The following ZCWPW2 variants were observed in gnomAD, a reference collection of about 807,000 sequenced individuals.
ZCWPW2 encodes the protein zinc finger CW-type and PWWP domain containing 2.
Under a neutral mutation model 46.6 loss-of-function variants are expected in ZCWPW2, and 45 were observed. That is an observed-to-expected ratio of 0.96 (90% CI 0.76 to 1.24). ZCWPW2 has a LOEUF of 1.24. Ranked by LOEUF, ZCWPW2 falls within the 50% of genes most tolerant of loss-of-function variation. ZCWPW2 has a pLI of 0.00. For missense variants in ZCWPW2, 429 were observed against 403.9 expected (o/e 1.06, Z -0.53); for synonymous variants, 152 against 137.1 (o/e 1.11, Z -0.76).
In ZCWPW2 at chr3:28,435,221, A is replaced by C; in HGVS notation, c.444A>C (p.Arg148Ser). The C allele has an allele frequency of 6.2e-7, 1 of 1,613,404 alleles. No individual in the cohort carries two copies. Among genetic ancestry groups the C allele is most frequent in the Non-Finnish European group, 8.5e-7 (1 of 1,179,906 alleles). ...AATTCCTGGGCGATCCCCATTCAAG[A>C]TCATGGATAAAGGCAACATTCGTTG... ...HIEFLGDPHS[R>S]SWIKATFVGH... Residue 148 changes from arginine to serine, a missense_variant, in exon 4 of 10, where the codon AGA (arginine) becomes AGC (serine). Transcript: ENST00000383768.
At chr3:28,411,026 T>G (rs760794931) in intron 2 of ZCWPW2, among the ~76,000 whole-genome samples, 5 of 151,912 alleles carry the variant, frequency 3.3e-5, no homozygotes, top group Non-Finnish European at 7.4e-5. Context: ...TTTACTTTAT[T>G]TAATGAAGTG....
At chr3:28,394,369 A>T (rs1204904852) in intron 2 of ZCWPW2, among the ~76,000 whole-genome samples, 1 of 152,146 alleles carries the variant, frequency 6.6e-6, no homozygotes, top group Non-Finnish European at 1.5e-5. Flanking sequence ...GATTCAATGC[A>T]ATTTCTATCA....
In ZCWPW2 at chr3:28,350,759, C is replaced by G. The variant is rs1399983927; in HGVS notation, c.-134+1556C>G. On this transcript the variant is annotated intron_variant, in intron 1 of 9. Coordinates refer to ENST00000383768, the MANE Select transcript of ZCWPW2 (RefSeq NM_001040432.4). ...TAATCATGTATTAAAGGTTTATTAT[C>G]AGGGAAAGACCTCTGATAAGTTAAT... is the stretch of plus-strand genomic sequence containing the variant. Among the ~76,000 whole-genome samples, 2 of 151,800 alleles carry G rather than the reference C, an allele frequency of 1.3e-5. 1 individual carries two copies. The highest frequency in any genetic ancestry group is 4.9e-5 in the African/African-American group (2 of 41,160).
chr3:28,434,642 G>C (rs1010711885), intron 3 of ZCWPW2, among the ~76,000 whole-genome samples: 7 of 152,162 alleles, frequency 4.6e-5, no homozygotes, highest in African/African-American at 1.4e-4. Context: ...CAAAGCCTGA[G>C]CTATCAGGAT....
chr3:28,426,006 G>A (rs1559499527), intron 3 of ZCWPW2, among the ~76,000 whole-genome samples: 1 of 152,108 alleles, frequency 6.6e-6, no homozygotes, highest in South Asian at 2.1e-4. Context: ...CAACTCTGGA[G>A]GCTGAGGCAG....
intron 6 of ZCWPW2, among the ~76,000 whole-genome samples, chr3:28,505,948 A>G (rs1700263478): frequency 6.6e-6 from 1 of 151,630 alleles, no homozygotes; most frequent in Non-Finnish European, 1.5e-5. Flanking sequence ...GGAAATGGGC[A>G]ATGTCAAGTC....
chr3:28,388,755 T>A (rs1353313600), intron 1 of ZCWPW2, among the ~76,000 whole-genome samples: 1 of 152,182 alleles, frequency 6.6e-6, no homozygotes, highest in Admixed American at 6.5e-5. Flanking sequence ...CTATTTTGTA[T>A]TTTCTTTGCA....
At chr3:28,519,055 C>T (rs186783279) in intron 8 of ZCWPW2, among the ~76,000 whole-genome samples, 5 of 152,252 alleles carry the variant, frequency 3.3e-5, no homozygotes, top group African/African-American at 1.2e-4. Flanking sequence ...TTTTGAATGC[C>T]ACTGTTTTAG....
chr3:28,467,462 C>G (rs1698869895), intron 4 of ZCWPW2, among the ~76,000 whole-genome samples: 1 of 149,804 alleles, frequency 6.7e-6, no homozygotes. Context: ...CAATCACAAC[C>G]TACTGATTGT....
intron 3 of ZCWPW2, among the ~76,000 whole-genome samples, chr3:28,424,507 C>T (rs1052185072): frequency 2.6e-5 from 4 of 152,062 alleles, no homozygotes; most frequent in Non-Finnish European, 4.4e-5. Context: ...AGAACACAGA[C>T]GTGCACAGAA....
chr3:28,387,104 A>G (rs964112321), intron 1 of ZCWPW2, among the ~76,000 whole-genome samples: 4 of 152,226 alleles, frequency 2.6e-5, no homozygotes, highest in Non-Finnish European at 4.4e-5. Flanking sequence ...TTCTTGGCCA[A>G]AGAGAGATTA....
At chr3:28,417,208 A>G (rs2125744591) in intron 3 of ZCWPW2, among the ~76,000 whole-genome samples, 1 of 152,224 alleles carries the variant, frequency 6.6e-6, no homozygotes, top group African/African-American at 2.4e-5. Flanking sequence ...ACAGAAATAC[A>G]AACTACCATC....
intron 1 of ZCWPW2, among the ~76,000 whole-genome samples, chr3:28,349,480 G>A (rs1163087450): frequency 2.0e-5 from 3 of 152,148 alleles, no homozygotes; most frequent in African/African-American, 7.2e-5. Context: ...TTGCGTAGGG[G>A]TCTGTAATTA....
chr3:28,459,142 G>A (rs1334784712), intron 4 of ZCWPW2, among the ~76,000 whole-genome samples: 5 of 152,068 alleles, frequency 3.3e-5, no homozygotes, highest in African/African-American at 9.7e-5. Context: ...AGGCCATGGC[G>A]GGTGGATCAT....
chr3:28,409,874 A>T (rs1696330121), intron 2 of ZCWPW2, among the ~76,000 whole-genome samples: 1 of 152,146 alleles, frequency 6.6e-6, no homozygotes, highest in Admixed American at 6.5e-5. Flanking sequence ...AAATGAACTA[A>T]AATCACTGGT....
intron 1 of ZCWPW2, among the ~76,000 whole-genome samples, chr3:28,356,266 G>GAGAAAT (rs1401496198): frequency 1.3e-5 from 2 of 152,320 alleles, no homozygotes; most frequent in East Asian, 3.9e-4. Context: ...CATCATCACT[G>GAGAAAT]GCCATCAGAG....
intron 2 of ZCWPW2, 100 bp from the exon 3 acceptor site, chr3:28,412,956 G>C: frequency 1.1e-6 from 1 of 888,418 alleles, no homozygotes; most frequent in Non-Finnish European, 1.7e-6. Context: ...GGTGGGCATA[G>C]AAGATATCAA....
intron 3 of ZCWPW2, among the ~76,000 whole-genome samples, chr3:28,416,957 G>C: frequency 6.7e-6 from 1 of 148,942 alleles, no homozygotes. Context: ...TGTTCATCAA[G>C]GATATTGGTC....
chr3:28,480,026 A>G (rs1699375511), intron 5 of ZCWPW2, among the ~76,000 whole-genome samples: 1 of 152,188 alleles, frequency 6.6e-6, no homozygotes, highest in Admixed American at 6.5e-5. Context: ...ATAGTGTTGA[A>G]CATATGTGTG....
Sources: gnomAD v4.1 joint callset for allele counts (sites outside exome capture counted in the v4.1 genomes callset) on GRCh38, gnomAD v4.1.1 for gene constraint, MANE v1.5 for transcripts, NCBI Gene and HGNC (gene_info 2026-07-23, HGNC 2026-07-21) for gene names.